Variants in DENND1A observed in about 807,000 individuals in gnomAD.
DENND1A encodes the protein DENN domain containing 1A.
Under a neutral mutation model 113.7 loss-of-function variants are expected in DENND1A, and 51 were observed. The ratio of observed to expected loss-of-function variants is 0.45; its 90% confidence interval spans 0.36 to 0.57. The LOEUF (loss-of-function observed/expected upper bound fraction) is 0.57, where lower values mean the gene tolerates loss of function less well. DENND1A is among the 20% of genes least tolerant of loss of function. The probability of loss-of-function intolerance (pLI) is 0.00; values close to 1 mark genes in which losing one functional copy is unlikely to be tolerated. For synonymous variants in DENND1A, 565 were observed against 570.8 expected (o/e 0.99, Z 0.14); for missense variants, 1,258 against 1,395.9 (o/e 0.90, Z 1.57).
chr9:123,836,333 A>G lies in DENND1A; in HGVS notation c.88+42618T>C, dbSNP rs185289340. On this transcript the variant is annotated intron_variant, in intron 2 of 23. Coordinates refer to ENST00000394215, the MANE Select transcript of DENND1A (RefSeq NM_001352964.2). ...CCCCTGGGCTCACATATGAATTAACAAGACTGAAGGAAATCAGGGAGTTCA... is the reference window on the plus strand; with the variant it reads ...CCCCTGGGCTCACATATGAATTAACGAGACTGAAGGAAATCAGGGAGTTCA... 1.4e-3 allele frequency among the ~76,000 whole-genome samples: 213 copies of G among 152,280 alleles called. 1 individual carries two copies. The highest frequency in any genetic ancestry group is 2.7e-3 in the Non-Finnish European group (182 of 68,014).
chr9:123,612,331 T>C (rs1285023792), intron 10 of DENND1A, among the ~76,000 whole-genome samples: 1 of 152,256 alleles, frequency 6.6e-6, no homozygotes, highest in East Asian at 1.9e-4. Flanking sequence ...ATTCTCACTG[T>C]ATCTCAATAA....
chr9:123,555,564 TC>T (rs1486644414), intron 13 of DENND1A, among the ~76,000 whole-genome samples: 1 of 152,202 alleles, frequency 6.6e-6, no homozygotes, highest in African/African-American at 2.4e-5. Flanking sequence ...CAGACCCAGT[TC>T]AAGTTTCACC....
At chr9:123,594,283 A>C (rs1254466025) in intron 11 of DENND1A, among the ~76,000 whole-genome samples, 1 of 152,152 alleles carries the variant, frequency 6.6e-6, no homozygotes, top group Non-Finnish European at 1.5e-5. Flanking sequence ...CACAACAACA[A>C]AATTACAGCC....
At chr9:123,717,721 T>G (rs1263103228) in intron 5 of DENND1A, among the ~76,000 whole-genome samples, 1 of 152,238 alleles carries the variant, frequency 6.6e-6, no homozygotes, top group African/African-American at 2.4e-5. Context: ...CAGAGCATCA[T>G]AGGAGCCCTT....
intron 13 of DENND1A, among the ~76,000 whole-genome samples, chr9:123,488,061 G>A (rs924753763): frequency 3.3e-5 from 5 of 152,186 alleles, no homozygotes; most frequent in Non-Finnish European, 7.3e-5. Flanking sequence ...TGCTGGGTAC[G>A]GGGCAGCCTC....
intron 18 of DENND1A, among the ~76,000 whole-genome samples, chr9:123,443,551 G>C (rs114574199): frequency 2.7e-3 from 417 of 152,356 alleles, no homozygotes; most frequent in African/African-American, 9.4e-3. Flanking sequence ...AAGTCCTGTG[G>C]TGCAGGCCAC....
At chr9:123,838,481 T>TC (rs1296413896) in intron 2 of DENND1A, among the ~76,000 whole-genome samples, 1 of 152,154 alleles carries the variant, frequency 6.6e-6, no homozygotes, top group Non-Finnish European at 1.5e-5. Context: ...AAAATGATGA[T>TC]ACTTGAGGAG....
At chr9:123,634,052 A>T (rs2061596886) in intron 9 of DENND1A, among the ~76,000 whole-genome samples, 1 of 152,248 alleles carries the variant, frequency 6.6e-6, no homozygotes, top group South Asian at 2.1e-4. Flanking sequence ...TTAAGACAGA[A>T]CTTGATTATG....
intron 1 of DENND1A, among the ~76,000 whole-genome samples, chr9:123,891,347 A>G (rs1391581726): frequency 6.6e-6 from 1 of 152,202 alleles, no homozygotes; most frequent in African/African-American, 2.4e-5. Context: ...CGTAACGTAC[A>G]CTATACTGAC....
intron 13 of DENND1A, among the ~76,000 whole-genome samples, chr9:123,553,373 G>A (rs1213058204): frequency 1.3e-5 from 2 of 150,432 alleles, no homozygotes; most frequent in Non-Finnish European, 1.5e-5. Flanking sequence ...TCTGAGGGGG[G>A]CCTGGACATT....
chr9:123,720,869 C>G (rs904014662), intron 5 of DENND1A, among the ~76,000 whole-genome samples: 13 of 152,192 alleles, frequency 8.5e-5, no homozygotes, highest in African/African-American at 3.1e-4. Flanking sequence ...AAGAGTAAAC[C>G]AGTCTTTACC....
At chr9:123,398,473 C>G (rs915949254) in intron 21 of DENND1A, among the ~76,000 whole-genome samples, 1 of 152,080 alleles carries the variant, frequency 6.6e-6, no homozygotes, top group Non-Finnish European at 1.5e-5. Context: ...CTCCCGGGTT[C>G]ACGCCATTCT....
Position 123,862,324 on chromosome 9 carries a change from C to T in DENND1A, c.88+16627G>A, listed in dbSNP as rs111888393. Among the ~76,000 whole-genome samples the T allele has an allele frequency of 3.9e-5, 6 of 152,204 alleles. 1 individual carries two copies. The highest frequency in any genetic ancestry group is 7.2e-5 in the African/African-American group (3 of 41,514). On this transcript the variant is annotated intron_variant, in intron 2 of 23. Coordinates refer to ENST00000394215, the MANE Select transcript of DENND1A (RefSeq NM_001352964.2). ...CAAAAGCAAAATCCAGTCCTGAGTC[C>T]GGAACACAGCTGTCTAACAAGATAT...
At chr9:123,631,622 C>T (rs555600013) in intron 9 of DENND1A, among the ~76,000 whole-genome samples, 27 of 152,276 alleles carry the variant, frequency 1.8e-4, no homozygotes, top group African/African-American at 6.3e-4. Flanking sequence ...CTCTTCAGTC[C>T]ATCTGGAATT....
chr9:123,821,267 T>G (rs1838415332), intron 2 of DENND1A, among the ~76,000 whole-genome samples: 1 of 152,174 alleles, frequency 6.6e-6, no homozygotes, highest in Non-Finnish European at 1.5e-5. Flanking sequence ...TAGACTGAAA[T>G]ATAATAAAGT....
At chr9:123,434,622 C>G (rs148509348) in intron 19 of DENND1A, among the ~76,000 whole-genome samples, 28 of 152,226 alleles carry the variant, frequency 1.8e-4, no homozygotes, top group African/African-American at 6.7e-4. Flanking sequence ...TGCAGGGCTG[C>G]GTGACAAGCG....
At chr9:123,525,996 T>C (rs1169127669) in intron 13 of DENND1A, among the ~76,000 whole-genome samples, 1 of 152,042 alleles carries the variant, frequency 6.6e-6, no homozygotes, top group African/African-American at 2.4e-5. Context: ...GCTCAAGTGA[T>C]CCTCCCACAT....
intron 5 of DENND1A, among the ~76,000 whole-genome samples, chr9:123,695,849 T>A (rs1374480793): frequency 6.6e-6 from 1 of 152,078 alleles, no homozygotes; most frequent in African/African-American, 2.4e-5. Context: ...TAAGTAGAAA[T>A]GGTCACATTA....
intron 13 of DENND1A, among the ~76,000 whole-genome samples, chr9:123,470,364 G>GCACCAGGGGTTGCCTCACTCA (rs1554830810): frequency 1.3e-5 from 2 of 151,182 alleles, no homozygotes; most frequent in African/African-American, 4.9e-5. Flanking sequence ...CACGTGGCCA[G>GCACCAGGGGTTGCCTCACTCA]CGCCAGGGGT....
Sources: gnomAD v4.1 joint callset for allele counts (sites outside exome capture counted in the v4.1 genomes callset) on GRCh38, gnomAD v4.1.1 for gene constraint, MANE v1.5 for transcripts, NCBI Gene and HGNC (gene_info 2026-07-23, HGNC 2026-07-21) for gene names.